Variants in METTL15 observed in about 807,000 individuals in gnomAD.
The protein encoded by METTL15 is 12S rRNA N(4)-cytidine methyltransferase METTL15.
In METTL15, 34 loss-of-function variants were observed where a neutral mutation model predicts 38.3. The ratio of observed to expected loss-of-function variants is 0.89; its 90% CI spans 0.68 to 1.18. METTL15 has a LOEUF of 1.18. Ranked by LOEUF, METTL15 falls within the 50% of genes most tolerant of loss-of-function variation. The pLI, the probability that METTL15 is intolerant of heterozygous loss-of-function variation, is 0.00. For missense variants in METTL15, 438 were observed against 498.4 expected, an observed-to-expected ratio of 0.88 and a Z score of 1.15; for synonymous variants, 162 against 170.9, an observed-to-expected ratio of 0.95 and a Z score of 0.41.
chr11:28,290,397 G>A lies in METTL15; in HGVS notation c.599G>A (p.Arg200Lys). 1 of 1,603,558 alleles carries A rather than the reference G, an allele frequency of 6.2e-7. No individual in the cohort carries two copies. The highest frequency in any genetic ancestry group is 1.3e-5 in the African/African-American group (1 of 74,598). Residue 200 changes from arginine (R) to lysine (K), a missense_variant and splice_region_variant, in exon 5 of 7, where the codon AGG becomes AAG. By Grantham distance (26) the Arg-to-Lys change is conservative. Coordinates refer to ENST00000407364, the MANE Select transcript of METTL15 (RefSeq NM_001113528.2). ...TTGGACATGAGAATGGATGGTGGCA[G>A]GTGAGTATTCATAAAGCATTTCATC... ...GPLDMRMDGGRYPDMPTAADV... is the reference protein window; with the variant it reads ...GPLDMRMDGGKYPDMPTAADV...
At chr11:28,283,415 C>T (rs978451741) in intron 4 of METTL15, among the ~76,000 whole-genome samples, 1 of 152,088 alleles carries the variant, frequency 6.6e-6, no homozygotes, top group African/African-American at 2.4e-5. Flanking sequence ...GATGCCCAAC[C>T]TTGTGAGTGG....
At chr11:28,317,067 TATTTC>T (rs998919806) in intron 6 of METTL15, among the ~76,000 whole-genome samples, 9 of 152,224 alleles carry the variant, frequency 5.9e-5, no homozygotes, top group Non-Finnish European at 1.2e-4. Flanking sequence ...CCATGTTTCT[TATTTC>T]ATTTCAGCAG....
intron 4 of METTL15, among the ~76,000 whole-genome samples, chr11:28,274,155 A>G (rs1855753835): frequency 6.6e-6 from 1 of 152,044 alleles, no homozygotes; most frequent in African/African-American, 2.4e-5. Context: ...ACACCCAGCT[A>G]ATTAATTTGT....
At chr11:28,199,068 G>T (rs966028225) in intron 3 of METTL15, among the ~76,000 whole-genome samples, 1 of 151,696 alleles carries the variant, frequency 6.6e-6, no homozygotes, top group South Asian at 2.1e-4. Context: ...TGTCAAAGGA[G>T]CATCCCTCTG....
At chr11:28,182,636 C>T (rs563892563) in intron 3 of METTL15, among the ~76,000 whole-genome samples, 2 of 152,052 alleles carry the variant, frequency 1.3e-5, no homozygotes, top group Non-Finnish European at 2.9e-5. Flanking sequence ...GGTAACAGTT[C>T]CATGCTGTTT....
At chr11:28,485,917 G>C (rs1418577825) in intron 6 of METTL15, among the ~76,000 whole-genome samples, 6 of 152,114 alleles carry the variant, frequency 3.9e-5, no homozygotes, top group South Asian at 2.1e-4. Flanking sequence ...TGCATGTAGA[G>C]AGAAACCTGT....
At chr11:28,252,345 C>T (rs1026717176) in intron 4 of METTL15, among the ~76,000 whole-genome samples, 1 of 152,042 alleles carries the variant, frequency 6.6e-6, no homozygotes, top group African/African-American at 2.4e-5. Context: ...ACATTTAGTA[C>T]TGCCAGTAAA....
chr11:28,452,419 C>A (rs7130732), intron 6 of METTL15, among the ~76,000 whole-genome samples: 64,624 of 151,988 alleles, frequency 0.43, 15,068 homozygotes, highest in Admixed American at 0.54. Context: ...GACAGCAATA[C>A]AATTCAAGGG....
chr11:28,432,970 A>G (rs1414565721), intron 6 of METTL15, among the ~76,000 whole-genome samples: 1 of 150,496 alleles, frequency 6.6e-6, no homozygotes, highest in Non-Finnish European at 1.5e-5. Context: ...TACAAAGGTC[A>G]TTCTTATCTG....
At chr11:28,423,560 A>G (rs1850839407) in intron 5 of METTL15, among the ~76,000 whole-genome samples, 1 of 152,144 alleles carries the variant, frequency 6.6e-6, no homozygotes, top group African/African-American at 2.4e-5. Context: ...AACAACATGG[A>G]TAGACTGGAG....
At chr11:28,408,285 C>G (rs1397419574) in intron 5 of METTL15, among the ~76,000 whole-genome samples, 2 of 152,080 alleles carry the variant, frequency 1.3e-5, no homozygotes, top group East Asian at 3.8e-4. Context: ...CAAACCTGCA[C>G]GTCCTGCATA....
intron 6 of METTL15, among the ~76,000 whole-genome samples, chr11:28,468,867 G>A (rs916274332): frequency 2.0e-5 from 3 of 152,114 alleles, no homozygotes; most frequent in African/African-American, 4.8e-5. Context: ...TTGAATCCCA[G>A]GTGGCACTCA....
chr11:28,442,663 T>C (rs1437023676), intron 6 of METTL15, among the ~76,000 whole-genome samples: 4 of 152,340 alleles, frequency 2.6e-5, no homozygotes, highest in Non-Finnish European at 5.9e-5. Context: ...AGTAGATGTT[T>C]CCTGGTTTAT....
At chr11:28,122,137 T>A in intron 3 of METTL15, 1 of 1,221,908 alleles carries the variant, frequency 8.2e-7, no homozygotes, top group Non-Finnish European at 1.1e-6. Context: ...AAATTCCTCT[T>A]ACAGAGTCTT....
At chr11:28,119,136 T>C (rs570600705) in intron 3 of METTL15, among the ~76,000 whole-genome samples, 1 of 152,286 alleles carries the variant, frequency 6.6e-6, no homozygotes, top group East Asian at 1.9e-4. Flanking sequence ...AGAAGACAGG[T>C]ATCCCAATTA....
chr11:28,356,013 G>A (rs1413549352), intron 4 of METTL15, among the ~76,000 whole-genome samples: 2 of 152,088 alleles, frequency 1.3e-5, no homozygotes, highest in Non-Finnish European at 2.9e-5. Context: ...TGCACGTGTT[G>A]TCTCTCTACA....
chr11:28,142,988 G>A (rs559340359), intron 3 of METTL15, among the ~76,000 whole-genome samples: 3 of 152,176 alleles, frequency 2.0e-5, no homozygotes, highest in East Asian at 1.9e-4. Flanking sequence ...GATAGGAGGG[G>A]TTTTGAATAT....
intron 4 of METTL15, among the ~76,000 whole-genome samples, chr11:28,214,016 A>G (rs951470076): frequency 4.6e-5 from 7 of 152,122 alleles, no homozygotes; most frequent in Non-Finnish European, 1.0e-4. Flanking sequence ...TTCAGTTAAC[A>G]TTATGAATTT....
chr11:28,336,920 C>T (rs567175493), downstream of METTL15, among the ~76,000 whole-genome samples: 1 of 152,074 alleles, frequency 6.6e-6, no homozygotes, highest in South Asian at 2.1e-4. Context: ...GCATTGTTAC[C>T]ATAGGAGATG....
Sources: gnomAD v4.1 joint callset for allele counts (sites outside exome capture counted in the v4.1 genomes callset) on GRCh38, gnomAD v4.1.1 for gene constraint, MANE v1.5 for transcripts, NCBI Gene and HGNC (gene_info 2026-07-23, HGNC 2026-07-21) for gene names.